The following UTRN variants were observed in gnomAD, a reference collection of about 807,000 sequenced individuals.
UTRN encodes the protein utrophin.
A neutral mutation model predicts 463.9 loss-of-function variants in UTRN; 283 were observed. The ratio of observed to expected loss-of-function variants is 0.61; its 90% CI spans 0.55 to 0.67. The LOEUF (loss-of-function observed/expected upper bound fraction) is 0.67, where lower values mean the gene tolerates loss of function less well. UTRN is among the 30% of genes least tolerant of loss of function. UTRN has a pLI of 0.00. For missense variants in UTRN, 3,922 were observed against 4,084.3 expected, an observed-to-expected ratio of 0.96 and a Z score of 1.08; for synonymous variants, 1,442 against 1,431.5, an observed-to-expected ratio of 1.01 and a Z score of -0.17.
At chr6:144,626,340 G>A (rs1775936149) in intron 51 of UTRN, among the ~76,000 whole-genome samples, 1 of 152,094 alleles carries the variant, frequency 6.6e-6, no homozygotes, top group South Asian at 2.1e-4. Context: ...GGTTTTCTGG[G>A]CACAAAGTAT....
intron 2 of UTRN, among the ~76,000 whole-genome samples, chr6:144,372,797 C>T (rs1780115783): frequency 1.3e-5 from 2 of 152,068 alleles, no homozygotes; most frequent in Non-Finnish European, 2.9e-5. Flanking sequence ...GTCATCATGT[C>T]CAGCCAAGAA....
Position 144,462,873 on chromosome 6 carries a change from C to G in UTRN, c.3066+7C>G. On this transcript the variant is annotated splice_region_variant and intron_variant, in intron 23 of 74. Transcript: ENST00000367545. ...CACACTCAGAGCTTTTGAGGTAAAT[C>G]CAGAGGCCACTGGGAGTTTAAGTTT... 6.3e-7 allele frequency: 1 copy of G among 1,595,308 alleles called. No homozygotes were observed. The highest frequency in any genetic ancestry group is 8.5e-7 in the Non-Finnish European group (1 of 1,174,710).
At chr6:144,694,813 TTTA>T (rs1783817077) in intron 52 of UTRN, among the ~76,000 whole-genome samples, 1 of 152,074 alleles carries the variant, frequency 6.6e-6, no homozygotes. Flanking sequence ...GTCTATCTAT[TTTA>T]TTTCATTTTT....
chr6:144,598,130 G>C (rs571333178), intron 51 of UTRN, among the ~76,000 whole-genome samples: 1 of 152,204 alleles, frequency 6.6e-6, no homozygotes, highest in East Asian at 1.9e-4. Flanking sequence ...AGCCAAATAT[G>C]AGTGACCATG....
rs1409726956 is a variant in UTRN, at chr6:144,744,316, ATATATGTGTGTGTGTGTG to A, written c.7940-3928_7940-3911del. Among the ~76,000 whole-genome samples the A allele has an allele frequency of 2.3e-4, 28 of 121,598 alleles. 1 individual carries two copies. In the South Asian group the frequency reaches 6.4e-3, roughly 28 times the overall value. The allele number at this position is 121,598 out of a possible 152,430, so 79.8% of individuals were successfully genotyped here. ...AAAAATGGTGTATACATATATATAT[ATATATGTGTGTGTGTGTG>A]TGTGTGTGTGTGTGTGTGTATAAAA... On this transcript the variant is annotated intron_variant, in intron 54 of 74. Transcript: ENST00000367545.
Position 144,841,578 on chromosome 6 carries a change from A to G in UTRN, c.10270+746A>G, listed in dbSNP as rs563121434. 1.8e-3 allele frequency among the ~76,000 whole-genome samples: 277 copies of G among 152,318 alleles called. 1 individual carries two copies. The highest frequency in any genetic ancestry group is 6.3e-3 in the African/African-American group (264 of 41,576). The stretch of plus-strand genomic sequence containing the variant: ...TGTTTCTAGCAGAATATATACATAC[A>G]AGTAAACTGTATATATGTATACATA... On this transcript the variant is annotated intron_variant, in intron 73 of 74. Transcript: ENST00000367545.
At chr6:144,555,624 T>C (rs1799312607) in intron 49 of UTRN, among the ~76,000 whole-genome samples, 1 of 152,114 alleles carries the variant, frequency 6.6e-6, no homozygotes, top group Non-Finnish European at 1.5e-5. Flanking sequence ...AGAGACGGGG[T>C]TCCGCCATGT....
chr6:144,300,243 C>T (rs1805116042), intron 2 of UTRN, among the ~76,000 whole-genome samples: 2 of 152,124 alleles, frequency 1.3e-5, no homozygotes, highest in Admixed American at 1.3e-4. Flanking sequence ...GTGTGTGCCA[C>T]CATGCCTGGC....
chr6:144,635,889 A>G (rs1291519683), intron 51 of UTRN, among the ~76,000 whole-genome samples: 3 of 152,084 alleles, frequency 2.0e-5, no homozygotes, highest in Non-Finnish European at 4.4e-5. Context: ...CATTATTGAA[A>G]TATTTAAACC....
chr6:144,445,371 C>CAAAAAAAAAAA (rs1440149097), intron 14 of UTRN, among the ~76,000 whole-genome samples: 1 of 102,394 alleles, frequency 9.8e-6, no homozygotes. Context: ...AAAAAAAAAG[C>CAAAAAAAAAAA]AAATACTCTA....
At chr6:144,460,070 C>T (rs1789259356) in intron 21 of UTRN, among the ~76,000 whole-genome samples, 1 of 143,946 alleles carries the variant, frequency 6.9e-6, no homozygotes, top group South Asian at 2.2e-4. Flanking sequence ...CACTTAATAT[C>T]ATTGCTAGGA....
At position 144,607,398 on chromosome 6, in the gene UTRN, T is replaced by A. The variant is rs114279656; in HGVS notation, c.7479+30110T>A. 3.6e-3 allele frequency among the ~76,000 whole-genome samples: 552 copies of A among 152,338 alleles called. 1 individual carries two copies. Among genetic ancestry groups the A allele is most frequent in the African/African-American group, 0.013 (535 of 41,586 alleles). On this transcript the variant is annotated intron_variant, in intron 51 of 74. Coordinates refer to ENST00000367545, the MANE Select transcript of UTRN (RefSeq NM_007124.3). Reference sequence around the variant, plus strand: ...AAGTTCTGCTATTTAACTTTGTTCATCTCAATATTCTCTAAACATCTTCTC... The same window carrying A: ...AAGTTCTGCTATTTAACTTTGTTCAACTCAATATTCTCTAAACATCTTCTC...
At chr6:144,845,896 C>T (rs1781971644) in intron 73 of UTRN, among the ~76,000 whole-genome samples, 1 of 152,040 alleles carries the variant, frequency 6.6e-6, no homozygotes, top group African/African-American at 2.4e-5. Flanking sequence ...ACATAGCTCC[C>T]AGCACACAGC....
chr6:144,504,909 G>A (rs183127203), intron 34 of UTRN, among the ~76,000 whole-genome samples: 1 of 152,204 alleles, frequency 6.6e-6, no homozygotes, highest in East Asian at 1.9e-4. Flanking sequence ...TTGGTTGGTA[G>A]GCTATTAATT....
At chr6:144,629,231 T>TA (rs569104804) in intron 51 of UTRN, among the ~76,000 whole-genome samples, 263 of 145,644 alleles carry the variant, frequency 1.8e-3, no homozygotes, top group African/African-American at 5.4e-3. Flanking sequence ...CTACATAGTT[T>TA]AAAAAAAAAA....
In UTRN at chr6:144,551,564, A is replaced by G. The variant is rs933517649; in HGVS notation, c.6928+482A>G. Among the ~76,000 whole-genome samples, 36 of 152,264 alleles carry G rather than the reference A, an allele frequency of 2.4e-4. 1 individual carries two copies. Among genetic ancestry groups the G allele is most frequent in the African/African-American group, 1.7e-4 (7 of 41,474 alleles). ...TAATTTGGGGATACTTTAGTTATAA[A>G]TGAGAGAAAACAACAACAAAAAATA... On this transcript the variant is annotated intron_variant, in intron 48 of 74. Coordinates refer to ENST00000367545, the MANE Select transcript of UTRN (RefSeq NM_007124.3).
intron 51 of UTRN, among the ~76,000 whole-genome samples, chr6:144,648,081 G>A (rs1233367959): frequency 6.6e-6 from 1 of 152,180 alleles, no homozygotes; most frequent in Admixed American, 6.5e-5. Context: ...TTATAGCTGA[G>A]AGTAGAGCAT....
At chr6:144,730,333 CA>C (rs1562829347) in intron 53 of UTRN, 23 bp from the exon 54 acceptor site, 2 of 1,555,744 alleles carry the variant, frequency 1.3e-6, no homozygotes, top group Non-Finnish European at 1.7e-6. Flanking sequence ...GTTACAAACT[CA>C]ACTTTTGCTT....
intron 70 of UTRN, 43 bp from the exon 71 acceptor site, chr6:144,836,258 A>G: frequency 1.2e-6 from 2 of 1,611,736 alleles, no homozygotes; most frequent in Non-Finnish European, 1.7e-6. Flanking sequence ...AGAGACGATA[A>G]TGCACGTGGT....
Sources: allele counts gnomAD v4.1 joint callset (sites outside exome capture counted in the v4.1 genomes callset), GRCh38; gene constraint gnomAD v4.1.1; transcripts MANE v1.5; gene names NCBI Gene and HGNC (gene_info 2026-07-23, HGNC 2026-07-21).